The following CPA6 variants were observed in gnomAD, a reference collection of about 807,000 sequenced individuals.
CPA6 encodes the protein carboxypeptidase A6, also known as carboxypeptidase B.
CPA6 carries 58 observed loss-of-function variants against 63.3 expected under a neutral mutation model. The ratio of observed to expected loss-of-function variants is 0.92; its 90% CI spans 0.74 to 1.14. The LOEUF (loss-of-function observed/expected upper bound fraction) is 1.14. CPA6 is among the 50% of genes most tolerant of loss of function. CPA6 has a pLI of 0.00. For synonymous variants in CPA6, 185 were observed against 179.0 expected (o/e 1.03, Z -0.27); for missense variants, 565 against 526.6 (o/e 1.07, Z -0.71).
intron 2 of CPA6, among the ~76,000 whole-genome samples, chr8:67,623,667 C>A (rs1815132399): frequency 6.6e-6 from 1 of 152,098 alleles, no homozygotes; most frequent in Non-Finnish European, 1.5e-5. Flanking sequence ...CTCCTGGGCT[C>A]AAGTGATCTG....
intron 1 of CPA6, among the ~76,000 whole-genome samples, chr8:67,704,409 A>C (rs1277763775): frequency 6.6e-6 from 1 of 152,240 alleles, no homozygotes; most frequent in Non-Finnish European, 1.5e-5. Context: ...ATTATAAGAA[A>C]AGAGAGAATC....
chr8:67,474,652 A>G (rs892408452), intron 8 of CPA6, among the ~76,000 whole-genome samples: 45 of 152,260 alleles, frequency 3.0e-4, no homozygotes, highest in African/African-American at 1.0e-3. Context: ...GAGAACACCT[A>G]AAACAACAAA....
At chr8:67,548,132 CCT>C (rs1384248871) in intron 2 of CPA6, among the ~76,000 whole-genome samples, 3 of 46,570 alleles carry the variant, frequency 6.4e-5, no homozygotes, top group African/African-American at 2.2e-4. Context: ...TCCCTCCCTT[CCT>C]CTCTCTCTCT....
At chr8:67,453,510 G>A (rs745852818) in intron 8 of CPA6, among the ~76,000 whole-genome samples, 1 of 152,134 alleles carries the variant, frequency 6.6e-6, no homozygotes, top group Non-Finnish European at 1.5e-5. Flanking sequence ...ATGATATATG[G>A]AGCTTGGGAG....
At chr8:67,480,693 C>A (rs556336467) in intron 8 of CPA6, among the ~76,000 whole-genome samples, 75 of 151,940 alleles carry the variant, frequency 4.9e-4, no homozygotes, top group African/African-American at 1.8e-3. Context: ...ATATATATAT[C>A]TAAGAGTGGA....
chr8:67,515,562 C>G (rs778933595), intron 3 of CPA6, among the ~76,000 whole-genome samples: 2 of 152,208 alleles, frequency 1.3e-5, no homozygotes, highest in Non-Finnish European at 2.9e-5. Flanking sequence ...TGAATCTTCT[C>G]GCTTCCAGGG....
At chr8:67,713,089 G>GTATA (rs1170350800) in intron 1 of CPA6, among the ~76,000 whole-genome samples, 24 of 88,236 alleles carry the variant, frequency 2.7e-4, no homozygotes, top group Non-Finnish European at 4.1e-4. Flanking sequence ...GTGTATGTGT[G>GTATA]TGTGTGTGTG....
intron 1 of CPA6, among the ~76,000 whole-genome samples, chr8:67,632,498 A>AT (rs1294891122): frequency 3.3e-5 from 5 of 151,802 alleles, no homozygotes; most frequent in African/African-American, 7.3e-5. Context: ...TTTTTTAGAG[A>AT]TTTTTTTCTC....
rs1368372382 is a variant in CPA6, at chr8:67,438,164, C to T, written c.839-3924G>A. Reference sequence around the variant, plus strand: ...AACTCCTGACCTCAAGTGATCTGCCCGCCTTGGCCTCCGAAAGTGCTGGGA... The same window carrying T: ...AACTCCTGACCTCAAGTGATCTGCCTGCCTTGGCCTCCGAAAGTGCTGGGA... On this transcript the variant is annotated intron_variant, in intron 8 of 10. Transcript: ENST00000297770. Among the ~76,000 whole-genome samples, 8 of 152,134 alleles carry T rather than the reference C, an allele frequency of 5.3e-5. No individual in the cohort carries two copies. The South Asian group carries it at 1.0e-3, about 20-fold the overall frequency.
At chr8:67,642,967 T>C (rs757121799) in intron 1 of CPA6, among the ~76,000 whole-genome samples, 7 of 152,156 alleles carry the variant, frequency 4.6e-5, no homozygotes, top group Non-Finnish European at 5.9e-5. Context: ...AATTCAATTA[T>C]ATTAAAATGA....
At chr8:67,645,736 A>G (rs1815700227) in intron 1 of CPA6, among the ~76,000 whole-genome samples, 1 of 152,234 alleles carries the variant, frequency 6.6e-6, no homozygotes, top group South Asian at 2.1e-4. Context: ...AAATATAATG[A>G]TGTCAATATT....
At chr8:67,715,190 C>T (rs1190551949) in intron 1 of CPA6, among the ~76,000 whole-genome samples, 1 of 152,192 alleles carries the variant, frequency 6.6e-6, no homozygotes, top group Non-Finnish European at 1.5e-5. Flanking sequence ...CCAGAGTTAG[C>T]TCAGACCCTG....
At chr8:67,492,690 C>T (rs1167828094) in intron 6 of CPA6, among the ~76,000 whole-genome samples, 1 of 152,154 alleles carries the variant, frequency 6.6e-6, no homozygotes, top group Non-Finnish European at 1.5e-5. Flanking sequence ...CCTGCTTCAG[C>T]TTGCGTCGCC....
chr8:67,459,145 T>A (rs928068992), intron 8 of CPA6, among the ~76,000 whole-genome samples: 2 of 152,214 alleles, frequency 1.3e-5, no homozygotes, highest in East Asian at 1.9e-4. Context: ...TAAAAATTTT[T>A]ATCTATTTAT....
intron 2 of CPA6, among the ~76,000 whole-genome samples, chr8:67,557,896 C>T (rs1813102572): frequency 6.6e-6 from 1 of 152,148 alleles, no homozygotes; most frequent in Non-Finnish European, 1.5e-5. Context: ...GGCTGAGACC[C>T]TCCCCGTCCC....
chr8:67,636,608 T>A (rs1815474484), intron 1 of CPA6, among the ~76,000 whole-genome samples: 1 of 151,514 alleles, frequency 6.6e-6, no homozygotes, highest in Non-Finnish European at 1.5e-5. Flanking sequence ...ACTGTGTGTT[T>A]TCAGAAGGAA....
intron 10 of CPA6, among the ~76,000 whole-genome samples, chr8:67,423,554 T>A (rs1474012973): frequency 1.3e-5 from 2 of 152,222 alleles, no homozygotes; most frequent in African/African-American, 4.8e-5. Flanking sequence ...CTCCAGACCC[T>A]CAACATGCCT....
At chr8:67,713,099 GTA>G (rs67842734) in intron 1 of CPA6, among the ~76,000 whole-genome samples, 3,771 of 54,582 alleles carry the variant, frequency 0.069, 87 homozygotes, top group African/African-American at 0.093. Flanking sequence ...GTGTGTGTGT[GTA>G]TATATATATA....
At chr8:67,720,552 A>G (rs1173318871) in intron 1 of CPA6, among the ~76,000 whole-genome samples, 2 of 151,640 alleles carry the variant, frequency 1.3e-5, no homozygotes, top group Admixed American at 6.6e-5. Flanking sequence ...CCTAAGCATC[A>G]GAAACGGGCG....
Sources: allele counts gnomAD v4.1 joint callset (sites outside exome capture counted in the v4.1 genomes callset), GRCh38; gene constraint gnomAD v4.1.1; transcripts MANE v1.5; gene names NCBI Gene and HGNC (gene_info 2026-07-23, HGNC 2026-07-21).